SLC44A5: variants seen among roughly 807,000 people sequenced by gnomAD.
SLC44A5 encodes choline transporter-like protein 5.
In SLC44A5, 57 loss-of-function variants were observed where a neutral mutation model predicts 101.8. That is an observed-to-expected ratio of 0.56 (90% CI 0.45 to 0.70). The LOEUF (loss-of-function observed/expected upper bound fraction) is 0.70. SLC44A5 is among the 30% of genes least tolerant of loss of function. The probability of loss-of-function intolerance (pLI) is 0.00; values close to 1 mark genes in which losing one functional copy is unlikely to be tolerated. For missense variants in SLC44A5, 737 were observed against 853.1 expected (o/e 0.86, Z 1.70); for synonymous variants, 281 against 290.9 (o/e 0.97, Z 0.35).
At chr1:75,265,557 G>A (rs1557596075) in intron 6 of SLC44A5, among the ~76,000 whole-genome samples, 1 of 152,178 alleles carries the variant, frequency 6.6e-6, no homozygotes, top group Non-Finnish European at 1.5e-5. Flanking sequence ...GCAGCTAGGA[G>A]ATGGGACTTG....
chr1:75,615,814 A>AGAGGGGAGGCGGC (rs1675854790), upstream of SLC44A5: 1 of 970,488 alleles, frequency 1.0e-6, no homozygotes, highest in Admixed American at 6.2e-5. Context: ...GGCGGGTGAG[A>AGAGGGGAGGCGGC]GAGGGGAGGC....
At chr1:75,559,901 G>T (rs1255506252) in intron 1 of SLC44A5, among the ~76,000 whole-genome samples, 1 of 152,112 alleles carries the variant, frequency 6.6e-6, no homozygotes, top group Non-Finnish European at 1.5e-5. Context: ...TTTATCCAAA[G>T]AATATATACA....
chr1:75,432,830 C>A (rs1664688845), intron 2 of SLC44A5, among the ~76,000 whole-genome samples: 2 of 152,002 alleles, frequency 1.3e-5, no homozygotes, highest in African/African-American at 4.8e-5. Context: ...TTATCACAGA[C>A]AATAACAAGC....
chr1:75,619,282 T>C, the SLC44A5 span, among the ~76,000 whole-genome samples: 1 of 151,386 alleles, frequency 6.6e-6, no homozygotes, highest in Non-Finnish European at 1.5e-5. Context: ...AAAGAAAAGG[T>C]GCTGTAAAAA....
the SLC44A5 span, among the ~76,000 whole-genome samples, chr1:75,651,576 A>G: frequency 0.016 from 2,432 of 151,864 alleles, 26 homozygotes; most frequent in Non-Finnish European, 0.022. Context: ...GGGTGTCTGT[A>G]GTCCCAGCTA....
intron 1 of SLC44A5, among the ~76,000 whole-genome samples, chr1:75,589,858 G>T (rs1482894731): frequency 6.6e-6 from 1 of 152,116 alleles, no homozygotes; most frequent in Non-Finnish European, 1.5e-5. Context: ...TGCAGAGAGA[G>T]CATTTAAACT....
At chr1:75,464,358 T>C (rs1040739385) in intron 2 of SLC44A5, among the ~76,000 whole-genome samples, 29 of 152,118 alleles carry the variant, frequency 1.9e-4, no homozygotes, top group Admixed American at 1.4e-3. Context: ...GCTTAAAATA[T>C]GAGTTATAAG....
At chr1:75,711,136 C>T in the SLC44A5 span, among the ~76,000 whole-genome samples, 6,708 of 152,208 alleles carry the variant, frequency 0.044, 202 homozygotes, top group African/African-American at 0.092. Flanking sequence ...TTGTGCCAGG[C>T]TATTGGTAAA....
chr1:75,209,905 A>G (rs148974098), intron 23 of SLC44A5, among the ~76,000 whole-genome samples: 55 of 152,300 alleles, frequency 3.6e-4, no homozygotes, highest in African/African-American at 1.2e-3. Context: ...TTGTGCAGCT[A>G]ACAAGTTCTG....
intron 2 of SLC44A5, among the ~76,000 whole-genome samples, chr1:75,406,750 T>C (rs1262150844): frequency 6.6e-6 from 1 of 152,034 alleles, no homozygotes; most frequent in East Asian, 1.9e-4. Flanking sequence ...ACAGGCAATA[T>C]CATACTGAAT....
intron 6 of SLC44A5, among the ~76,000 whole-genome samples, chr1:75,263,710 AC>A (rs1005920403): frequency 1.9e-4 from 29 of 152,286 alleles, no homozygotes; most frequent in African/African-American, 6.7e-4. Context: ...GTTCACAGTA[AC>A]AAAGACTTGG....
the SLC44A5 span, among the ~76,000 whole-genome samples, chr1:75,720,012 A>G: frequency 6.6e-6 from 1 of 152,190 alleles, no homozygotes; most frequent in African/African-American, 2.4e-5. Flanking sequence ...GAAGGCTTCT[A>G]AGATTTCCCC....
Position 75,252,073 on chromosome 1 carries a change from G to A in SLC44A5, c.261-779C>T, listed in dbSNP as rs77628600. On this transcript the variant is annotated intron_variant, in intron 6 of 23. Coordinates refer to ENST00000370859, the MANE Select transcript of SLC44A5 (RefSeq NM_001130058.2). The stretch of plus-strand genomic sequence containing the variant: ...ACTTCAGCATGCACAAGGAAAACCC[G>A]AAGTGTTTGTTCAACATTTTGATTC... Among the ~76,000 whole-genome samples, 208 of 152,218 alleles carry A rather than the reference G, an allele frequency of 1.4e-3. 1 individual carries two copies. Among genetic ancestry groups the A allele is most frequent in the African/African-American group, 4.7e-3 (196 of 41,542 alleles).
chr1:75,374,267 C>T (rs528247519), intron 3 of SLC44A5, among the ~76,000 whole-genome samples: 1 of 152,304 alleles, frequency 6.6e-6, no homozygotes, highest in Admixed American at 6.5e-5. Context: ...TGTGGTACCA[C>T]CACTCTCCCT....
chr1:75,604,919 G>C (rs1476685991), intron 1 of SLC44A5, among the ~76,000 whole-genome samples: 1 of 151,968 alleles, frequency 6.6e-6, no homozygotes, highest in African/African-American at 2.4e-5. Flanking sequence ...GTCTTTGGCA[G>C]TCTTTAGGGA....
chr1:75,398,059 T>G (rs1393405064), intron 2 of SLC44A5, among the ~76,000 whole-genome samples: 1 of 152,148 alleles, frequency 6.6e-6, no homozygotes, highest in African/African-American at 2.4e-5. Context: ...GTGCAAGGAT[T>G]GGCACCTGAG....
At chr1:75,339,986 GA>G (rs1453652720) in intron 3 of SLC44A5, among the ~76,000 whole-genome samples, 1 of 152,154 alleles carries the variant, frequency 6.6e-6, no homozygotes, top group Non-Finnish European at 1.5e-5. Context: ...AAGTGTTGCT[GA>G]GGACTTGTGA....
chr1:75,711,708 G>C, the SLC44A5 span, among the ~76,000 whole-genome samples: 1 of 152,220 alleles, frequency 6.6e-6, no homozygotes, highest in Non-Finnish European at 1.5e-5. Flanking sequence ...TCAGGCAAGA[G>C]ATGTGGGGGT....
intron 4 of SLC44A5, among the ~76,000 whole-genome samples, chr1:75,328,037 A>G (rs954281482): frequency 1.3e-5 from 2 of 152,224 alleles, no homozygotes; most frequent in Non-Finnish European, 2.9e-5. Flanking sequence ...GGCTGGTTAC[A>G]TGGTAGGTGG....
Sources: allele counts gnomAD v4.1 joint callset (sites outside exome capture counted in the v4.1 genomes callset), GRCh38; gene constraint gnomAD v4.1.1; transcripts MANE v1.5; gene names NCBI Gene and HGNC (gene_info 2026-07-23, HGNC 2026-07-21).